The following PARD3B variants were observed in gnomAD, a reference collection of about 807,000 sequenced individuals.
The protein encoded by PARD3B is par-3 family cell polarity regulator beta, also known as partitioning defective 3 homolog B.
Under a neutral mutation model 130.2 loss-of-function variants are expected in PARD3B, and 103 were observed. The observed-to-expected ratio is 0.79, with a 90% CI of 0.67 to 0.93. PARD3B has a LOEUF of 0.93. PARD3B is among the 40% of genes least tolerant of loss of function. PARD3B has a pLI of 0.00. For missense variants in PARD3B, 1,609 were observed against 1,499.2 expected (o/e 1.07, Z -1.21); for synonymous variants, 583 against 553.2 (o/e 1.05, Z -0.76).
chr2:204,607,275 T>A (rs986018185), intron 1 of PARD3B, among the ~76,000 whole-genome samples: 4 of 152,214 alleles, frequency 2.6e-5, no homozygotes, highest in Non-Finnish European at 4.4e-5. Context: ...TAACAAAAAA[T>A]TGGGAGGATT....
intron 20 of PARD3B, among the ~76,000 whole-genome samples, chr2:205,499,611 G>C (rs1490644004): frequency 6.6e-6 from 1 of 152,018 alleles, no homozygotes; most frequent in Admixed American, 6.6e-5. Flanking sequence ...AAAAAGTGGT[G>C]GGCCTTTTAA....
intron 20 of PARD3B, among the ~76,000 whole-genome samples, chr2:205,498,205 A>T (rs1014114056): frequency 4.0e-5 from 6 of 151,238 alleles, no homozygotes; most frequent in African/African-American, 9.7e-5. Context: ...GACTAAAAAA[A>T]AAAAAAAAAA....
At chr2:204,607,473 T>C (rs1037090130) in intron 1 of PARD3B, among the ~76,000 whole-genome samples, 4 of 152,182 alleles carry the variant, frequency 2.6e-5, no homozygotes, top group African/African-American at 4.8e-5. Flanking sequence ...GTTAGCTGAG[T>C]AAGGCTTCTG....
At chr2:204,909,925 T>C (rs1281691947) in intron 2 of PARD3B, among the ~76,000 whole-genome samples, 1 of 152,188 alleles carries the variant, frequency 6.6e-6, no homozygotes, top group African/African-American at 2.4e-5. Flanking sequence ...AAATAGAAGA[T>C]TCAGCATAAA....
rs1429669014 is a variant in PARD3B, at chr2:204,689,480, C to G, written c.222+3198C>G. ...GGTTGTGACAGTTATTCTCAAGATT[C>G]TTCAGTTTGTCTATCAGTCTGATGA... On this transcript the variant is annotated intron_variant, in intron 2 of 22. Coordinates refer to ENST00000406610, the MANE Select transcript of PARD3B (RefSeq NM_001302769.2). The surrounding 1 kb of genome is among the most constrained non-coding windows in gnomAD (Gnocchi z 5.2). Among the ~76,000 whole-genome samples the G allele has an allele frequency of 6.6e-6, 1 of 152,046 alleles. No individual in the cohort carries two copies. The highest frequency in any genetic ancestry group is 1.5e-5 in the Non-Finnish European group (1 of 68,002).
At chr2:205,204,685 A>G (rs1306893329) in intron 15 of PARD3B, among the ~76,000 whole-genome samples, 2 of 152,020 alleles carry the variant, frequency 1.3e-5, no homozygotes, top group Non-Finnish European at 2.9e-5. Flanking sequence ...AATTTTCCCA[A>G]CACCATTTAT....
Position 204,965,179 on chromosome 2 carries a change from C to G in PARD3B, c.250C>G (p.Pro84Ala). The change falls in exon 3 of 23, where the codon CCA (proline) becomes GCA (alanine). Residue 84 changes from proline (P) to alanine (A), a missense_variant. By Grantham distance (27) the Pro-to-Ala change is conservative. Transcript: ENST00000406610. Reference sequence around the variant, plus strand: ...GATTGCTGTGTTTGAAGAACAAGAACCACTCCACAAGATTGAGAGCCCCAG... The same window carrying G: ...GATTGCTGTGTTTGAAGAACAAGAAGCACTCCACAAGATTGAGAGCCCCAG... ...KLIAVFEEQE[P>A]LHKIESPSGN... 2 of 1,613,680 alleles carry G rather than the reference C, an allele frequency of 1.2e-6. No homozygotes were observed. The highest frequency in any genetic ancestry group is 1.7e-6 in the Non-Finnish European group (2 of 1,179,794).
Position 204,952,909 on chromosome 2 carries a change from A to G in PARD3B, c.223-12243A>G, listed in dbSNP as rs1462859948. ...CTACTCAAGAGGCTGATGCAGGAGA[A>G]TGGCGTGAACCCAGGAGGTGGAGCT... On this transcript the variant is annotated intron_variant, in intron 2 of 22. Coordinates refer to ENST00000406610, the MANE Select transcript of PARD3B (RefSeq NM_001302769.2). 4.0e-5 allele frequency among the ~76,000 whole-genome samples: 6 copies of G among 151,580 alleles called. No individual in the cohort carries two copies. In the East Asian group the frequency reaches 5.9e-4, roughly 15 times the overall value.
intron 21 of PARD3B, among the ~76,000 whole-genome samples, chr2:205,517,975 A>T (rs1189251792): frequency 2.0e-5 from 3 of 152,022 alleles, no homozygotes; most frequent in African/African-American, 7.3e-5. Context: ...GTTGTTTTGC[A>T]TTTGCTGAGG....
intron 5 of PARD3B, among the ~76,000 whole-genome samples, chr2:205,111,016 C>G (rs1351244684): frequency 1.3e-5 from 2 of 152,022 alleles, no homozygotes; most frequent in Non-Finnish European, 2.9e-5. Context: ...GGGTTGTTTT[C>G]TCTTTTTAAA....
intron 18 of PARD3B, among the ~76,000 whole-genome samples, chr2:205,373,131 A>C (rs1361996919): frequency 6.6e-6 from 1 of 152,186 alleles, no homozygotes; most frequent in Non-Finnish European, 1.5e-5. Context: ...TATTCAGGGA[A>C]AGATGGTCAG....
chr2:204,633,091 A>G (rs1332819286), intron 1 of PARD3B, among the ~76,000 whole-genome samples: 1 of 152,200 alleles, frequency 6.6e-6, no homozygotes, highest in Non-Finnish European at 1.5e-5. Flanking sequence ...CTTTGGATAT[A>G]TACCTAGCAG....
intron 3 of PARD3B, among the ~76,000 whole-genome samples, chr2:204,976,754 G>T (rs547279210): frequency 2.6e-5 from 4 of 151,638 alleles, no homozygotes; most frequent in Admixed American, 1.3e-4. Flanking sequence ...CTAGAGGTGC[G>T]GGCCATCACA....
chr2:205,193,088 A>G (rs2036481555), intron 14 of PARD3B, 117 bp from the exon 15 acceptor site: 1 of 623,762 alleles, frequency 1.6e-6, no homozygotes, highest in African/African-American at 1.9e-5. Flanking sequence ...AGTTGAAAAT[A>G]TGTGGTTGGG....
chr2:205,338,127 T>C (rs891495503), intron 18 of PARD3B, among the ~76,000 whole-genome samples: 2 of 119,322 alleles, frequency 1.7e-5, no homozygotes, highest in African/African-American at 3.4e-5. Flanking sequence ...CTCTCCAGCC[T>C]GGGCAACAGA....
chr2:204,725,529 T>C (rs888945518), intron 2 of PARD3B, among the ~76,000 whole-genome samples: 3 of 152,202 alleles, frequency 2.0e-5, no homozygotes, highest in Admixed American at 6.5e-5. Context: ...CTTAGAACTA[T>C]AATCAAGTCA....
At chr2:205,207,097 C>T (rs1308591606) in intron 15 of PARD3B, among the ~76,000 whole-genome samples, 1 of 143,350 alleles carries the variant, frequency 7.0e-6, no homozygotes, top group Non-Finnish European at 1.5e-5. Flanking sequence ...GGAAACTGAA[C>T]AACCTGCTCC....
intron 2 of PARD3B, among the ~76,000 whole-genome samples, chr2:204,762,214 C>A (rs560883851): frequency 1.3e-5 from 2 of 150,202 alleles, no homozygotes; most frequent in Non-Finnish European, 3.0e-5. Context: ...CTCTGCCTCC[C>A]AGGTTCAAGT....
intron 15 of PARD3B, among the ~76,000 whole-genome samples, chr2:205,195,718 C>T (rs374195546): frequency 6.6e-5 from 10 of 151,998 alleles, no homozygotes; most frequent in South Asian, 2.1e-4. Context: ...TTCTTTAAAG[C>T]GTTTTAACAT....
Sources: allele counts gnomAD v4.1 joint callset (sites outside exome capture counted in the v4.1 genomes callset), GRCh38; gene constraint gnomAD v4.1.1; non-coding constraint Gnocchi (gnomAD v3.1); transcripts MANE v1.5; gene names NCBI Gene and HGNC (gene_info 2026-07-23, HGNC 2026-07-21).